Variants in MALRD1 observed in about 807,000 individuals in gnomAD.
The protein encoded by MALRD1 is MAM and LDL receptor class A domain containing 1.
MALRD1 carries 247 observed loss-of-function variants against 242.1 expected under a neutral mutation model. That is an observed-to-expected ratio of 1.02 (90% CI 0.92 to 1.13). MALRD1 has a LOEUF of 1.13. Among genes scored for constraint, MALRD1 ranks in the 50% most tolerant of loss-of-function variants. The pLI is 0.00. For missense variants in MALRD1, 2,989 were observed against 2,533.1 expected, an observed-to-expected ratio of 1.18 and a Z score of -3.86; for synonymous variants, 995 against 866.6, an observed-to-expected ratio of 1.15 and a Z score of -2.60.
chr10:19,381,799 A>G (rs1845850080), intron 26 of MALRD1, among the ~76,000 whole-genome samples: 1 of 152,060 alleles, frequency 6.6e-6, no homozygotes, highest in Admixed American at 6.6e-5. Flanking sequence ...AGATTACGCC[A>G]CTGCACTCCA....
chr10:19,613,200 C>G (rs1838983085), intron 35 of MALRD1, among the ~76,000 whole-genome samples: 1 of 151,862 alleles, frequency 6.6e-6, no homozygotes, highest in Non-Finnish European at 1.5e-5. Context: ...AACAGTGGTG[C>G]TATCTAAAAG....
intron 31 of MALRD1, among the ~76,000 whole-genome samples, chr10:19,513,406 C>T (rs1428151834): frequency 3.9e-5 from 6 of 151,912 alleles, no homozygotes; most frequent in Non-Finnish European, 7.4e-5. Context: ...GCTTGCAGAA[C>T]CATGAGCCAA....
Position 19,088,135 on chromosome 10 carries a change from A to T in MALRD1, c.547A>T (p.Asn183Tyr). 8.1e-7 allele frequency: 1 copy of T among 1,233,452 alleles called. No homozygotes were observed. The highest frequency in any genetic ancestry group is 4.1e-5 in the South Asian group (1 of 24,410). 76.4% of individuals were successfully genotyped at this position (1,233,452 alleles called of 1,614,324 possible). ...ATGGCAAAACACAGCTGCACTCCCA[A>T]ATCAGTGGGAGAGAAATGTCATCAA... ...HLWQNTAALP[N>Y]QWERNVIKIQ... The change falls in exon 4 of 40, where the codon AAT (asparagine) becomes TAT (tyrosine). Residue 183 changes from asparagine (N) to tyrosine (Y), a missense_variant. Transcript: ENST00000454679.
intron 38 of MALRD1, among the ~76,000 whole-genome samples, chr10:19,697,862 AT>A (rs1275578244): frequency 6.6e-6 from 1 of 151,576 alleles, no homozygotes; most frequent in East Asian, 1.9e-4. Context: ...CTTAACCTCA[AT>A]TTTTCTTCTG....
intron 26 of MALRD1, among the ~76,000 whole-genome samples, chr10:19,353,598 C>G (rs1006025715): frequency 2.6e-5 from 4 of 152,062 alleles, no homozygotes; most frequent in African/African-American, 9.7e-5. Context: ...GCTTCTAACA[C>G]TATATGGAAT....
rs1588805518 is a variant in MALRD1 at position 19,263,141 on chromosome 10, C to T, written c.3079+5370C>T. 1.3e-5 allele frequency among the ~76,000 whole-genome samples: 2 copies of T among 152,206 alleles called. 1 individual carries two copies. Among genetic ancestry groups the T allele is most frequent in the East Asian group, 3.9e-4 (2 of 5,172 alleles). ...TCTCTTTGAAATAGTGATTTTATTG[C>T]CCCTGGATATACACCCAGAACTGGG... On this transcript the variant is annotated intron_variant, in intron 19 of 39. Coordinates refer to ENST00000454679, the MANE Select transcript of MALRD1 (RefSeq NM_001142308.3).
At chr10:19,305,899 A>G (rs1197671630) in intron 21 of MALRD1, among the ~76,000 whole-genome samples, 1 of 130,498 alleles carries the variant, frequency 7.7e-6, no homozygotes, top group African/African-American at 2.9e-5. Flanking sequence ...TATATTATAT[A>G]TACTATATAC....
At chr10:19,700,086 A>G (rs1481088042) in intron 38 of MALRD1, among the ~76,000 whole-genome samples, 1 of 151,610 alleles carries the variant, frequency 6.6e-6, no homozygotes, top group African/African-American at 2.4e-5. Context: ...GTCACCATGA[A>G]GGCCACAACA....
Position 19,518,471 on chromosome 10 carries a change from G to T in MALRD1, c.5321-12723G>T, listed in dbSNP as rs1157263310. ...TTTCTTTTTCTTATATAATGTCAAA[G>T]TTGATATTTTATTATTTTTTGAAAT... On this transcript the variant is annotated intron_variant, in intron 31 of 39. Coordinates refer to ENST00000454679, the MANE Select transcript of MALRD1 (RefSeq NM_001142308.3). Among the ~76,000 whole-genome samples the T allele has an allele frequency of 3.3e-5, 5 of 151,850 alleles. 1 individual carries two copies. The highest frequency in any genetic ancestry group is 2.6e-4 in the Admixed American group (4 of 15,228).
chr10:19,148,862 T>G (rs2131448033), intron 11 of MALRD1, among the ~76,000 whole-genome samples: 1 of 147,316 alleles, frequency 6.8e-6, no homozygotes, highest in South Asian at 2.2e-4. Context: ...GATCAAACCT[T>G]AAAGAGAATC....
chr10:19,149,616 T>C (rs2131451261), intron 11 of MALRD1, among the ~76,000 whole-genome samples: 1 of 152,308 alleles, frequency 6.6e-6, no homozygotes. Context: ...TGTCCCTATC[T>C]TCTTACTAAA....
At chr10:19,415,979 CTGAG>C (rs1036829402) in intron 28 of MALRD1, among the ~76,000 whole-genome samples, 8 of 152,168 alleles carry the variant, frequency 5.3e-5, no homozygotes, top group East Asian at 1.9e-4. Context: ...AAAGTAGAAA[CTGAG>C]TGAGGAAAGT....
intron 14 of MALRD1, among the ~76,000 whole-genome samples, chr10:19,202,258 A>T (rs1588691005): frequency 6.6e-6 from 1 of 152,176 alleles, no homozygotes; most frequent in East Asian, 1.9e-4. Context: ...ATATAGATGT[A>T]TTTATACATT....
At chr10:19,629,797 C>T (rs1375677254) in intron 36 of MALRD1, among the ~76,000 whole-genome samples, 1 of 152,158 alleles carries the variant, frequency 6.6e-6, no homozygotes. Flanking sequence ...TCCCCAGTGG[C>T]CCTGGAACGG....
chr10:19,257,174 A>G (rs1434150241), intron 18 of MALRD1, among the ~76,000 whole-genome samples: 1 of 152,096 alleles, frequency 6.6e-6, no homozygotes, highest in Non-Finnish European at 1.5e-5. Flanking sequence ...CGATTAGCCA[A>G]TTTCATAAAG....
intron 1 of MALRD1, 148 bp downstream of exon 1, chr10:19,049,285 A>T: frequency 2.0e-6 from 1 of 504,266 alleles, no homozygotes; most frequent in Non-Finnish European, 3.1e-6. Context: ...ACTAAGATAT[A>T]TTGTTTACTA....
At chr10:19,165,265 A>ATATATATATATATATATATATTTTTTTT in intron 12 of MALRD1, among the ~76,000 whole-genome samples, 2 of 130,302 alleles carry the variant, frequency 1.5e-5, no homozygotes, top group African/African-American at 6.5e-5. Context: ...ATATATATAT[A>ATATATATATATATATATATATTTTTTTT]TTTTGTTTTG....
chr10:19,576,261 A>G (rs1443765638), intron 33 of MALRD1, among the ~76,000 whole-genome samples: 1 of 152,230 alleles, frequency 6.6e-6, no homozygotes, highest in Admixed American at 6.5e-5. Context: ...TGAAATTGAA[A>G]GTGCTGGTTG....
At chr10:19,094,786 T>C (rs1835961739) in intron 4 of MALRD1, among the ~76,000 whole-genome samples, 3 of 152,246 alleles carry the variant, frequency 2.0e-5, no homozygotes, top group Non-Finnish European at 4.4e-5. Flanking sequence ...ACACAGTCTT[T>C]ATTTTCTAAA....
Sources: allele counts gnomAD v4.1 joint callset (sites outside exome capture counted in the v4.1 genomes callset), GRCh38; gene constraint gnomAD v4.1.1; transcripts MANE v1.5; gene names NCBI Gene and HGNC (gene_info 2026-07-23, HGNC 2026-07-21).